CLSTN2: variants seen among roughly 807,000 people sequenced by gnomAD.
The protein encoded by CLSTN2 is calsyntenin 2, also known as calsyntenin-2.
Under a neutral mutation model 101.2 loss-of-function variants are expected in CLSTN2, and 48 were observed. The ratio of observed to expected loss-of-function variants is 0.47; its 90% CI spans 0.38 to 0.60. The LOEUF (loss-of-function observed/expected upper bound fraction) is 0.60, where lower values mean the gene tolerates loss of function less well. Ranked by LOEUF, CLSTN2 falls within the 20% of genes least tolerant of loss-of-function variation. CLSTN2 has a pLI of 0.00. For synonymous variants in CLSTN2, 481 were observed against 463.6 expected, an observed-to-expected ratio of 1.04 and a Z score of -0.48; for missense variants, 1,160 against 1,238.2, an observed-to-expected ratio of 0.94 and a Z score of 0.95.
intron 2 of CLSTN2, among the ~76,000 whole-genome samples, chr3:140,368,249 C>T (rs2087815055): frequency 6.6e-6 from 1 of 152,164 alleles, no homozygotes; most frequent in Admixed American, 6.5e-5. Flanking sequence ...CCCCAGAGCA[C>T]TCCACGTGCT....
intron 2 of CLSTN2, among the ~76,000 whole-genome samples, chr3:140,235,244 A>C (rs1239453860): frequency 6.6e-6 from 1 of 152,158 alleles, no homozygotes; most frequent in African/African-American, 2.4e-5. Flanking sequence ...ATTAATGTAC[A>C]TTGCCTAAGA....
chr3:140,527,267 G>T (rs1193719393), intron 8 of CLSTN2, among the ~76,000 whole-genome samples: 1 of 151,888 alleles, frequency 6.6e-6, no homozygotes, highest in Non-Finnish European at 1.5e-5. Flanking sequence ...ATGGGCAAAG[G>T]ATATGAACAG....
At position 140,176,028 on chromosome 3, in the gene CLSTN2, C is replaced by G. The variant is rs1286283868; in HGVS notation, c.187C>G (p.Pro63Ala). ...GAACAATGACACAGTCATTTTGGACCCACCACTGGTAGCCCTGGATAAAGA... is the reference window on the plus strand; with the variant it reads ...GAACAATGACACAGTCATTTTGGACGCACCACTGGTAGCCCTGGATAAAGA... ...TENNDTVILD[P>A]PLVALDKDAP... The change falls in exon 2 of 17, where the codon CCA (proline) becomes GCA (alanine). Residue 63 changes from proline to alanine, a missense_variant. Physicochemically the swap from Pro to Ala is conservative, Grantham distance 27. Transcript: ENST00000458420. 1 of 1,613,662 alleles carries G rather than the reference C, an allele frequency of 6.2e-7. No individual in the cohort carries two copies. Among genetic ancestry groups the G allele is most frequent in the South Asian group, 1.1e-5 (1 of 91,052 alleles).
At chr3:139,968,116 C>T (rs946479490) in intron 1 of CLSTN2, among the ~76,000 whole-genome samples, 57 of 152,156 alleles carry the variant, frequency 3.7e-4, no homozygotes, top group Middle Eastern at 3.2e-3. Context: ...TCCTTTTGGA[C>T]GGCCTATATA....
intron 2 of CLSTN2, among the ~76,000 whole-genome samples, chr3:140,344,389 A>G (rs1235925049): frequency 2.0e-5 from 3 of 152,206 alleles, no homozygotes; most frequent in Non-Finnish European, 4.4e-5. Context: ...CAATGGCCAA[A>G]ACAAGTTGTA....
chr3:140,417,454 G>A (rs1233080133), intron 4 of CLSTN2, among the ~76,000 whole-genome samples: 1 of 152,140 alleles, frequency 6.6e-6, no homozygotes, highest in Non-Finnish European at 1.5e-5. Flanking sequence ...ATATTGCCAA[G>A]TAGCTTTCCA....
chr3:140,214,843 T>C (rs1417363270), intron 2 of CLSTN2, among the ~76,000 whole-genome samples: 1 of 152,252 alleles, frequency 6.6e-6, no homozygotes, highest in Non-Finnish European at 1.5e-5. Flanking sequence ...TTATCTGTTT[T>C]CTTACACTTT....
In CLSTN2 at chr3:140,412,678, TA is replaced by T. The variant is rs199780308; in HGVS notation, c.637+7915del. Among the ~76,000 whole-genome samples the T allele has an allele frequency of 6.0e-3, 913 of 152,340 alleles. 23 individuals are homozygous for T. In the East Asian group the frequency reaches 0.094, roughly 16 times the overall value. On this transcript the variant is annotated intron_variant, in intron 4 of 16. Coordinates refer to ENST00000458420, the MANE Select transcript of CLSTN2 (RefSeq NM_022131.3). ...GCCATTAAGTCTTACATTTAAGATT[TA>T]AATCATATAAAATTTTTTTCTCAAC...
At chr3:140,221,660 A>G (rs1024103345) in intron 2 of CLSTN2, among the ~76,000 whole-genome samples, 8 of 152,224 alleles carry the variant, frequency 5.3e-5, no homozygotes, top group African/African-American at 1.9e-4. Context: ...ATCTGACTTA[A>G]AAATGGGCAA....
At chr3:140,435,251 A>C (rs189416608) in intron 5 of CLSTN2, among the ~76,000 whole-genome samples, 175 of 151,472 alleles carry the variant, frequency 1.2e-3, no homozygotes, top group African/African-American at 4.2e-3. Flanking sequence ...CCATCCTTCT[A>C]CTCTCTATAT....
At chr3:140,120,685 G>A (rs529861164) in intron 1 of CLSTN2, among the ~76,000 whole-genome samples, 1 of 152,310 alleles carries the variant, frequency 6.6e-6, no homozygotes, top group South Asian at 2.1e-4. Context: ...AGAGATGTTA[G>A]GAGTTATGAG....
rs141013476 is a variant in CLSTN2, at chr3:139,978,101, A to G, written c.109+42618A>G. On this transcript the variant is annotated intron_variant, in intron 1 of 16. Transcript: ENST00000458420. ...CTTGTGCAGAGCTGAGAGAGAAACA[A>G]AAGAGACATTTTACCTTAATGGAAC... Among the ~76,000 whole-genome samples the G allele has an allele frequency of 2.4e-3, 363 of 152,292 alleles. 2 individuals are homozygous for G. Among genetic ancestry groups the G allele is most frequent in the African/African-American group, 8.5e-3 (352 of 41,564 alleles).
intron 4 of CLSTN2, among the ~76,000 whole-genome samples, chr3:140,414,250 CAACA>C (rs1281423346): frequency 6.6e-6 from 1 of 151,922 alleles, no homozygotes; most frequent in Non-Finnish European, 1.5e-5. Context: ...TGTACACTAA[CAACA>C]AACTATCCAA....
chr3:140,256,960 A>C (rs1449827804), intron 2 of CLSTN2, among the ~76,000 whole-genome samples: 1 of 152,158 alleles, frequency 6.6e-6, no homozygotes, highest in Non-Finnish European at 1.5e-5. Context: ...CTGGGAAGAC[A>C]AACTTAAAAC....
At chr3:140,451,219 A>C (rs1456101571) in intron 6 of CLSTN2, among the ~76,000 whole-genome samples, 2 of 152,294 alleles carry the variant, frequency 1.3e-5, no homozygotes, top group South Asian at 2.1e-4. Context: ...AAGGGCATGC[A>C]CTTGTGATTT....
chr3:140,220,408 A>G (rs1004482244), intron 2 of CLSTN2, among the ~76,000 whole-genome samples: 2 of 152,202 alleles, frequency 1.3e-5, no homozygotes, highest in African/African-American at 4.8e-5. Context: ...ATTATTTGGA[A>G]TTTGGCCTGT....
At chr3:140,461,835 C>G (rs1385873465) in intron 7 of CLSTN2, among the ~76,000 whole-genome samples, 1 of 151,784 alleles carries the variant, frequency 6.6e-6, no homozygotes, top group African/African-American at 2.4e-5. Context: ...CAGCTTGGGC[C>G]CTTATGTGAA....
intron 9 of CLSTN2, among the ~76,000 whole-genome samples, chr3:140,544,430 C>G (rs1576620344): frequency 6.6e-6 from 1 of 152,188 alleles, no homozygotes; most frequent in South Asian, 2.1e-4. Flanking sequence ...CCACAAGAAG[C>G]TATAGCCCAG....
At chr3:140,383,265 G>A (rs116194575) in intron 2 of CLSTN2, among the ~76,000 whole-genome samples, 3 of 152,306 alleles carry the variant, frequency 2.0e-5, no homozygotes, top group African/African-American at 7.2e-5. Flanking sequence ...ATAAGGGGAT[G>A]TCACCTTAAA....
Sources: gnomAD v4.1 joint callset for allele counts (sites outside exome capture counted in the v4.1 genomes callset) on GRCh38, gnomAD v4.1.1 for gene constraint, MANE v1.5 for transcripts, NCBI Gene and HGNC (gene_info 2026-07-23, HGNC 2026-07-21) for gene names.